Variants in ANO2 observed in about 807,000 individuals in gnomAD.
ANO2 encodes the protein anoctamin 2.
In ANO2, 101 loss-of-function variants were observed where a neutral mutation model predicts 124.2. That is an observed-to-expected ratio of 0.81 (90% CI 0.69 to 0.96). ANO2 has a LOEUF of 0.96. Among genes scored for constraint, ANO2 ranks in the 40% least tolerant of loss-of-function variants. The pLI is 0.00. For missense variants in ANO2, 1,293 were observed against 1,274.5 expected (o/e 1.01, Z -0.22); for synonymous variants, 486 against 482.5 (o/e 1.01, Z -0.09).
chr12:5,740,583 G>A (rs1951058786), intron 12 of ANO2: 1 of 152,448 alleles, frequency 6.6e-6, no homozygotes, highest in South Asian at 2.1e-4. Context: ...AAGACATAAA[G>A]TGATCAGGGC....
intron 10 of ANO2, among the ~76,000 whole-genome samples, chr12:5,771,210 T>G (rs564904178): frequency 2.0e-5 from 3 of 152,184 alleles, no homozygotes; most frequent in Non-Finnish European, 4.4e-5. Context: ...TAAATCCTCA[T>G]CAAAACCCCA....
chr12:5,604,511 T>G (rs1944113599), intron 19 of ANO2, among the ~76,000 whole-genome samples: 1 of 151,848 alleles, frequency 6.6e-6, no homozygotes, highest in Non-Finnish European at 1.5e-5. Context: ...TGGGATGGGA[T>G]AGAGGGAAAG....
chr12:5,889,862 C>G (rs181252666), intron 3 of ANO2, among the ~76,000 whole-genome samples: 241 of 152,392 alleles, frequency 1.6e-3, no homozygotes, highest in Non-Finnish European at 2.9e-3. Flanking sequence ...CCCTTTACCA[C>G]CTCCTGGTGG....
intron 14 of ANO2, among the ~76,000 whole-genome samples, chr12:5,690,413 C>T (rs1393155106): frequency 1.3e-5 from 2 of 152,204 alleles, no homozygotes; most frequent in African/African-American, 4.8e-5. Flanking sequence ...TTTGGATCTT[C>T]AGGAGGAAAT....
chr12:5,686,094 G>A (rs148388634), intron 14 of ANO2, among the ~76,000 whole-genome samples: 1 of 152,200 alleles, frequency 6.6e-6, no homozygotes, highest in African/African-American at 2.4e-5. Flanking sequence ...CACCTAGCAA[G>A]CAGGTGGGAA....
intron 3 of ANO2, 55 bp from the exon 4 acceptor site, chr12:5,854,196 C>G: frequency 6.6e-7 from 1 of 1,506,466 alleles, no homozygotes; most frequent in South Asian, 1.1e-5. Flanking sequence ...ATAGCTTAAA[C>G]TCCTGGTTCT....
At chr12:5,848,847 C>G (rs990616324) in intron 4 of ANO2, among the ~76,000 whole-genome samples, 5 of 152,184 alleles carry the variant, frequency 3.3e-5, no homozygotes, top group African/African-American at 1.2e-4. Flanking sequence ...CAGAAACAGC[C>G]CTAGTCTTGT....
At chr12:5,784,510 T>C (rs1015532106) in intron 10 of ANO2, among the ~76,000 whole-genome samples, 5 of 152,154 alleles carry the variant, frequency 3.3e-5, no homozygotes, top group African/African-American at 1.2e-4. Context: ...GGTGGCTGCT[T>C]ACTTCCTGCA....
At chr12:5,649,498 T>C (rs1380706128) in intron 14 of ANO2, among the ~76,000 whole-genome samples, 1 of 152,174 alleles carries the variant, frequency 6.6e-6, no homozygotes, top group African/African-American at 2.4e-5. Context: ...CAAGACTCAT[T>C]CATATTCTTC....
intron 14 of ANO2, among the ~76,000 whole-genome samples, chr12:5,711,796 T>C (rs916068483): frequency 2.6e-5 from 4 of 152,134 alleles, no homozygotes; most frequent in African/African-American, 4.8e-5. Context: ...CGAGTTTGGG[T>C]TCCTCCCCAT....
At chr12:5,620,094 G>A (rs1299775687) in intron 16 of ANO2, among the ~76,000 whole-genome samples, 4 of 152,190 alleles carry the variant, frequency 2.6e-5, no homozygotes, top group African/African-American at 7.2e-5. Flanking sequence ...CTCTAATACC[G>A]TCTAGTATAA....
chr12:5,568,136 C>CTTTT (rs71445654), intron 23 of ANO2, among the ~76,000 whole-genome samples: 16 of 112,770 alleles, frequency 1.4e-4, no homozygotes, highest in Non-Finnish European at 2.2e-4. Context: ...CCACCCTATG[C>CTTTT]TTTTTTTTTT....
At chr12:5,666,582 T>C (rs961092287) in intron 14 of ANO2, among the ~76,000 whole-genome samples, 5 of 152,220 alleles carry the variant, frequency 3.3e-5, no homozygotes, top group African/African-American at 1.2e-4. Flanking sequence ...TTTAAGCTCC[T>C]CGTTACCAAA....
chr12:5,787,624 C>G lies in ANO2; in HGVS notation c.1055+11883G>C, dbSNP rs1349195012. On this transcript the variant is annotated intron_variant, in intron 10 of 24. Transcript: ENST00000682330. The surrounding 1 kb of genome is among the most constrained non-coding windows in gnomAD (Gnocchi z 4.2). Reference sequence around the variant, plus strand: ...GCAAATGCCAAGGGGTAGAACAGTGCCTGCCACACAGCAAACATCTAACTG... The same window carrying G: ...GCAAATGCCAAGGGGTAGAACAGTGGCTGCCACACAGCAAACATCTAACTG... Among the ~76,000 whole-genome samples, 1 of 152,228 alleles carries G rather than the reference C, an allele frequency of 6.6e-6. No homozygotes were observed. Among genetic ancestry groups the G allele is most frequent in the Non-Finnish European group, 1.5e-5 (1 of 68,036 alleles).
chr12:5,691,189 G>A (rs914148487), intron 14 of ANO2, among the ~76,000 whole-genome samples: 1 of 151,906 alleles, frequency 6.6e-6, no homozygotes, highest in Non-Finnish European at 1.5e-5. Flanking sequence ...TTAGCCAGGC[G>A]TGGTGGCACA....
Position 5,923,105 on chromosome 12 carries a change from C to T in ANO2, c.23-301G>A, listed in dbSNP as rs112270116. Among the ~76,000 whole-genome samples the T allele has an allele frequency of 3.8e-4, 28 of 74,580 alleles. 2 individuals are homozygous for T. In the East Asian group the frequency reaches 4.8e-3, roughly 13 times the overall value. The allele number at this position is 74,580 out of a possible 152,430, so 48.9% of individuals were successfully genotyped here. A position where few individuals can be genotyped will look rare whatever the true frequency, so the allele number is the denominator to read the frequency against. On this transcript the variant is annotated intron_variant, in intron 1 of 24. Transcript: ENST00000682330. ...ATACACACACACACGCACACACATA[C>T]ACACACATGCACGCACACACACCCA...
At chr12:5,945,570 G>A (rs1943070089), upstream of ANO2, among the ~76,000 whole-genome samples, 1 of 152,260 alleles carries the variant, frequency 6.6e-6, no homozygotes, top group South Asian at 2.1e-4. Context: ...TGCTTCGAGT[G>A]TAAAAATTCA....
chr12:5,938,488 C>A (rs1669564094), intron 1 of ANO2, among the ~76,000 whole-genome samples: 1 of 152,214 alleles, frequency 6.6e-6, no homozygotes, highest in Non-Finnish European at 1.5e-5. Flanking sequence ...TGATTATAGG[C>A]ATGAGCCACT....
At chr12:5,615,830 T>A (rs1245738342) in intron 16 of ANO2, among the ~76,000 whole-genome samples, 2 of 152,164 alleles carry the variant, frequency 1.3e-5, no homozygotes, top group Non-Finnish European at 2.9e-5. Context: ...CAGGAAAGCA[T>A]TCATCTGCAT....
Sources: allele counts gnomAD v4.1 joint callset (sites outside exome capture counted in the v4.1 genomes callset), GRCh38; gene constraint gnomAD v4.1.1; non-coding constraint Gnocchi (gnomAD v3.1); transcripts MANE v1.5; gene names NCBI Gene and HGNC (gene_info 2026-07-23, HGNC 2026-07-21).